The following FAM53B variants were observed in gnomAD, a reference collection of about 807,000 sequenced individuals.
The protein encoded by FAM53B is protein FAM53B.
In FAM53B, 12 loss-of-function variants were observed where a neutral mutation model predicts 32.7. The observed-to-expected ratio is 0.37, with a 90% CI of 0.24 to 0.59. The LOEUF (loss-of-function observed/expected upper bound fraction) is 0.59, where lower values mean the gene tolerates loss of function less well. Among genes scored for constraint, FAM53B ranks in the 20% least tolerant of loss-of-function variants. The pLI is 0.72. For missense variants in FAM53B, 477 were observed against 577.7 expected (o/e 0.83, Z 1.79); for synonymous variants, 234 against 228.7 (o/e 1.02, Z -0.21).
chr10:124,629,215 C>T lies in FAM53B; in HGVS notation c.907-5611G>A, dbSNP rs192116980. Among the ~76,000 whole-genome samples the T allele has an allele frequency of 2.6e-5, 4 of 152,198 alleles. No homozygotes were observed. In the East Asian group the frequency reaches 7.8e-4, roughly 30 times the overall value. On this transcript the variant is annotated intron_variant, in intron 4 of 4. Transcript: ENST00000337318. ...GGGGAGGGGTGGTTGTTGGGGACGCCTCTCCTCGGTTAGTCGGTGTCTTAA... is the reference window on the plus strand; with the variant it reads ...GGGGAGGGGTGGTTGTTGGGGACGCTTCTCCTCGGTTAGTCGGTGTCTTAA...
intron 4 of FAM53B, among the ~76,000 whole-genome samples, chr10:124,669,547 G>C (rs1830986241): frequency 6.6e-6 from 1 of 152,238 alleles, no homozygotes; most frequent in Admixed American, 6.5e-5. Context: ...CACACATTCT[G>C]AGCACCACCT....
At chr10:124,707,209 C>T (rs1369650700) in intron 1 of FAM53B, among the ~76,000 whole-genome samples, 1 of 152,192 alleles carries the variant, frequency 6.6e-6, no homozygotes, top group Non-Finnish European at 1.5e-5. Context: ...GCAGCATACT[C>T]AAGTCATGTG....
chr10:124,658,899 A>T (rs1035996995), intron 4 of FAM53B, among the ~76,000 whole-genome samples: 1 of 152,234 alleles, frequency 6.6e-6, no homozygotes, highest in Non-Finnish European at 1.5e-5. Flanking sequence ...GCACGGGCTC[A>T]GCACACAGAC....
intron 3 of FAM53B, among the ~76,000 whole-genome samples, chr10:124,694,889 G>C (rs1310363316): frequency 6.6e-6 from 1 of 152,198 alleles, no homozygotes; most frequent in Admixed American, 6.5e-5. Context: ...GCAGGTGGTT[G>C]AGAAGAAAAC....
At chr10:124,654,453 G>A (rs1490852757) in intron 4 of FAM53B, among the ~76,000 whole-genome samples, 1 of 152,054 alleles carries the variant, frequency 6.6e-6, no homozygotes, top group East Asian at 1.9e-4. Context: ...CAGGGAGGTG[G>A]TGTTTGGCTT....
intron 1 of FAM53B, among the ~76,000 whole-genome samples, chr10:124,727,539 T>C (rs1445045174): frequency 6.6e-6 from 1 of 152,150 alleles, no homozygotes; most frequent in Non-Finnish European, 1.5e-5. Flanking sequence ...AGCAGGATTA[T>C]GATGGCAATG....
intron 1 of FAM53B, among the ~76,000 whole-genome samples, chr10:124,743,608 C>A (rs1589771317): frequency 6.6e-6 from 1 of 151,886 alleles, no homozygotes; most frequent in Non-Finnish European, 1.5e-5. Context: ...GCTCCCGAGA[C>A]TCCGCGCCTC....
chr10:124,642,732 T>C lies in FAM53B; in HGVS notation c.907-19128A>G, dbSNP rs147734830. On this transcript the variant is annotated intron_variant, in intron 4 of 4. Coordinates refer to ENST00000337318, the MANE Select transcript of FAM53B (RefSeq NM_014661.4). The stretch of plus-strand genomic sequence containing the variant: ...AGGGTGGCCTTCTCTTCTTATGCAG[T>C]GGAATTGGTTCTCATTGTAAAATTA... Among the ~76,000 whole-genome samples the C allele has an allele frequency of 2.1e-3, 320 of 152,268 alleles. 2 individuals are homozygous for C. The highest frequency in any genetic ancestry group is 7.5e-3 in the African/African-American group (312 of 41,558).
intron 4 of FAM53B, among the ~76,000 whole-genome samples, chr10:124,675,208 A>G (rs1312628054): frequency 6.6e-6 from 1 of 152,136 alleles, no homozygotes; most frequent in East Asian, 1.9e-4. Flanking sequence ...GTGAGTCGAG[A>G]TCTCACCACT....
intron 1 of FAM53B, among the ~76,000 whole-genome samples, chr10:124,710,469 A>G (rs910500784): frequency 6.6e-6 from 1 of 152,234 alleles, no homozygotes; most frequent in African/African-American, 2.4e-5. Flanking sequence ...TGGGATTCCT[A>G]TGACCCGTGG....
chr10:124,715,188 G>A (rs897686225), intron 1 of FAM53B, among the ~76,000 whole-genome samples: 30 of 152,304 alleles, frequency 2.0e-4, no homozygotes, highest in African/African-American at 7.0e-4. Flanking sequence ...CCATCCTGAG[G>A]TGTCCCAGCC....
intron 3 of FAM53B, among the ~76,000 whole-genome samples, chr10:124,689,099 T>G (rs1269164131): frequency 2.0e-5 from 3 of 152,180 alleles, no homozygotes; most frequent in Non-Finnish European, 4.4e-5. Context: ...ACAATGAGTA[T>G]CTCTCCCCTG....
At chr10:124,674,268 A>G (rs1949724406) in intron 4 of FAM53B, among the ~76,000 whole-genome samples, 1 of 152,232 alleles carries the variant, frequency 6.6e-6, no homozygotes, top group Admixed American at 6.5e-5. Flanking sequence ...CTGGATGAGC[A>G]GCAGGCCCCT....
chr10:124,737,212 C>A (rs1041172820), intron 1 of FAM53B, among the ~76,000 whole-genome samples: 3 of 152,200 alleles, frequency 2.0e-5, no homozygotes, highest in Non-Finnish European at 4.4e-5. Context: ...AGCAATTCTC[C>A]TCTTCTCCCT....
chr10:124,631,275 T>C (rs1225720956), intron 4 of FAM53B, among the ~76,000 whole-genome samples: 1 of 152,152 alleles, frequency 6.6e-6, no homozygotes, highest in East Asian at 1.9e-4. Context: ...GGACAAGGAC[T>C]CTAAGGAAAA....
intron 4 of FAM53B, among the ~76,000 whole-genome samples, chr10:124,658,493 T>A (rs913549628): frequency 6.6e-6 from 1 of 152,312 alleles, no homozygotes; most frequent in Middle Eastern, 3.4e-3. Context: ...AAGAGGAGTA[T>A]TCTTCACCCC....
intron 3 of FAM53B, among the ~76,000 whole-genome samples, chr10:124,691,942 A>G (rs1949835267): frequency 6.6e-6 from 1 of 152,216 alleles, no homozygotes; most frequent in Non-Finnish European, 1.5e-5. Flanking sequence ...TCCCTCACCC[A>G]GCCGGCTGAC....
In FAM53B at chr10:124,682,171, G is replaced by A. The variant is rs1589749290; in HGVS notation, c.342C>T (p.Cys114=). ...NPSAPPSKRQ[C]RSLSFSDEMS... ...TCTCATCGGAGAAGGACAGTGAGCG[G>A]CACTGGCGCTTGCTAGGGGGTGCTG... The change falls in exon 4 of 5, where the codon TGC becomes TGT. Residue 114 remains cysteine (C), a synonymous_variant. Coordinates refer to ENST00000337318, the MANE Select transcript of FAM53B (RefSeq NM_014661.4). This position sits in a 1 kb window ranked among gnomAD's most constrained non-coding sequence, Gnocchi z 5.2. 6.2e-7 allele frequency: 1 copy of A among 1,613,556 alleles called. No individual in the cohort carries two copies. Among genetic ancestry groups the A allele is most frequent in the African/African-American group, 1.3e-5 (1 of 75,050 alleles).
intron 4 of FAM53B, among the ~76,000 whole-genome samples, chr10:124,657,142 A>G (rs1949597063): frequency 1.5e-5 from 2 of 137,512 alleles, no homozygotes; most frequent in Non-Finnish European, 3.1e-5. Context: ...GTATATACAT[A>G]TATATGTGTA....
Sources: gnomAD v4.1 joint callset for allele counts (sites outside exome capture counted in the v4.1 genomes callset) on GRCh38, gnomAD v4.1.1 for gene constraint, Gnocchi (gnomAD v3.1) non-coding constraint, MANE v1.5 for transcripts, NCBI Gene and HGNC (gene_info 2026-07-23, HGNC 2026-07-21) for gene names.